SAMD5: variants seen among roughly 807,000 people sequenced by gnomAD.
The protein encoded by SAMD5 is sterile alpha motif domain-containing protein 5.
A neutral mutation model predicts 11.3 loss-of-function variants in SAMD5; 13 were observed. That is an observed-to-expected ratio of 1.15 (90% CI 0.75 to 1.83). The LOEUF (loss-of-function observed/expected upper bound fraction) is 1.83. SAMD5 is among the 40% of genes most tolerant of loss of function. The pLI is 0.00. For missense variants in SAMD5, 255 were observed against 239.1 expected (o/e 1.07, Z -0.44); for synonymous variants, 129 against 111.3 (o/e 1.16, Z -1.00).
the SAMD5 span, among the ~76,000 whole-genome samples, chr6:147,776,319 C>A: frequency 9.9e-5 from 15 of 152,278 alleles, no homozygotes; most frequent in African/African-American, 3.6e-4. Context: ...TAGCTGCTTA[C>A]AGGTTACACC....
At chr6:147,943,436 A>C in the SAMD5 span, among the ~76,000 whole-genome samples, 1 of 151,878 alleles carries the variant, frequency 6.6e-6, no homozygotes, top group Non-Finnish European at 1.5e-5. Context: ...CTGCTTCTTG[A>C]AAGTCCCCCA....
chr6:147,936,115 A>G, the SAMD5 span, among the ~76,000 whole-genome samples: 1 of 152,170 alleles, frequency 6.6e-6, no homozygotes, highest in Non-Finnish European at 1.5e-5. Context: ...TTCTCGATAC[A>G]GATGGGGAAG....
chr6:147,876,507 C>T, the SAMD5 span, among the ~76,000 whole-genome samples: 1 of 152,122 alleles, frequency 6.6e-6, no homozygotes, highest in East Asian at 1.9e-4. Context: ...GGCTGAGAAC[C>T]TTTGGTTGGT....
chr6:147,564,752 A>AT lies in SAMD5; in HGVS notation c.*298dup. The AT allele has an allele frequency of 9.5e-7, 1 of 1,048,004 alleles. No individual in the cohort carries two copies. Among genetic ancestry groups the AT allele is most frequent in the Non-Finnish European group, 1.1e-6 (1 of 870,792 alleles). The allele number at this position is 1,048,004 out of a possible 1,614,324, so 64.9% of individuals were successfully genotyped here. On this transcript the variant is annotated 3_prime_UTR_variant, in exon 2 of 2. Transcript: ENST00000367474. ...TGCATTTCTTGGCATTCTCCCTTCC[A>AT]TTCTTAATGAAAACAGATGAGGTTG...
chr6:147,950,886 T>C, the SAMD5 span, among the ~76,000 whole-genome samples: 1 of 151,930 alleles, frequency 6.6e-6, no homozygotes, highest in Non-Finnish European at 1.5e-5. Flanking sequence ...TCTTTCTCTG[T>C]TTCCCTCGCC....
intron 1 of SAMD5, among the ~76,000 whole-genome samples, chr6:147,561,797 G>C (rs1788954983): frequency 1.3e-5 from 2 of 152,134 alleles, no homozygotes; most frequent in African/African-American, 4.8e-5. Flanking sequence ...GATCTATCAA[G>C]ACCAGCCTCT....
intron 1 of SAMD5, among the ~76,000 whole-genome samples, chr6:147,629,448 G>A (rs1790107388): frequency 6.6e-6 from 1 of 152,142 alleles, no homozygotes; most frequent in South Asian, 2.1e-4. Flanking sequence ...CAGTGGGGAT[G>A]GATGAAAAGC....
intron 1 of SAMD5, among the ~76,000 whole-genome samples, chr6:147,547,213 T>A (rs1182751800): frequency 1.3e-5 from 2 of 152,252 alleles, no homozygotes; most frequent in African/African-American, 4.8e-5. Context: ...GCATAATAAA[T>A]AGCCACAAAC....
At chr6:147,626,786 T>C (rs1389379485) in intron 1 of SAMD5, among the ~76,000 whole-genome samples, 1 of 58,248 alleles carries the variant, frequency 1.7e-5, no homozygotes, top group East Asian at 4.8e-4. Flanking sequence ...AGACACTGTT[T>C]CTATGAAAAA....
At chr6:147,952,499 G>C in the SAMD5 span, among the ~76,000 whole-genome samples, 1 of 151,954 alleles carries the variant, frequency 6.6e-6, no homozygotes, top group Non-Finnish European at 1.5e-5. Flanking sequence ...CTTTTTTGGT[G>C]ATCTTTGTTT....
intron 1 of SAMD5, among the ~76,000 whole-genome samples, chr6:147,693,088 C>T (rs898854642): frequency 5.3e-5 from 8 of 152,168 alleles, no homozygotes; most frequent in Admixed American, 2.6e-4. Flanking sequence ...GCGCTCTCTC[C>T]GACAATAGCT....
the SAMD5 span, among the ~76,000 whole-genome samples, chr6:147,835,242 A>C: frequency 6.7e-6 from 1 of 150,314 alleles, no homozygotes; most frequent in African/African-American, 2.5e-5. Context: ...TAAAAAAAAA[A>C]AAAACAAAAA....
chr6:147,793,498 A>G, the SAMD5 span, among the ~76,000 whole-genome samples: 1 of 152,320 alleles, frequency 6.6e-6, no homozygotes, highest in Admixed American at 6.5e-5. Context: ...GACTTTAGTT[A>G]ATTAGAACAA....
chr6:147,767,592 A>G, the SAMD5 span, among the ~76,000 whole-genome samples: 1 of 152,290 alleles, frequency 6.6e-6, no homozygotes, highest in African/African-American at 2.4e-5. Flanking sequence ...AAGCCCTTAT[A>G]AAGAAATGGG....
chr6:147,747,169 T>C, the SAMD5 span, among the ~76,000 whole-genome samples: 1 of 152,238 alleles, frequency 6.6e-6, no homozygotes, highest in Non-Finnish European at 1.5e-5. Context: ...GTGGGACATG[T>C]GAGCACTGTC....
intron 1 of SAMD5, among the ~76,000 whole-genome samples, chr6:147,620,338 C>T (rs761513517): frequency 5.3e-5 from 8 of 152,192 alleles, no homozygotes; most frequent in South Asian, 2.1e-4. Flanking sequence ...TACTCCCGTA[C>T]GACCCCTTAC....
intron 1 of SAMD5, among the ~76,000 whole-genome samples, chr6:147,582,579 T>C (rs1426773433): frequency 6.6e-6 from 1 of 152,242 alleles, no homozygotes; most frequent in Non-Finnish European, 1.5e-5. Flanking sequence ...GAAAGCCGAC[T>C]TGTCCAGTCT....
chr6:147,569,738 C>T lies in SAMD5; in HGVS notation c.*5282C>T, dbSNP rs959580224. On this transcript the variant is annotated 3_prime_UTR_variant, in exon 2 of 2. Coordinates refer to ENST00000367474, the MANE Select transcript of SAMD5 (RefSeq NM_001030060.3). ...CATTATTCATAGAAAATTTCTGCCC[C>T]TACAGAAGTGTGTGCATGGGCCTTG... 2.0e-6 allele frequency: 2 copies of T among 985,228 alleles called. No individual in the cohort carries two copies. The highest frequency in any genetic ancestry group is 3.5e-5 in the African/African-American group (2 of 57,234). 61.0% of individuals were successfully genotyped at this position (985,228 alleles called of 1,614,324 possible). A position where few individuals can be genotyped will look rare whatever the true frequency, so the allele number is the denominator to read the frequency against.
the SAMD5 span, among the ~76,000 whole-genome samples, chr6:147,768,358 C>T: frequency 6.6e-5 from 10 of 151,888 alleles, no homozygotes; most frequent in African/African-American, 1.9e-4. Flanking sequence ...ATTAGCCGGG[C>T]GTGGTAGCAT....
Sources: gnomAD v4.1 joint callset for allele counts (sites outside exome capture counted in the v4.1 genomes callset) on GRCh38, gnomAD v4.1.1 for gene constraint, MANE v1.5 for transcripts, NCBI Gene and HGNC (gene_info 2026-07-23, HGNC 2026-07-21) for gene names.